CAMKMT: variants seen among roughly 807,000 people sequenced by gnomAD.
CAMKMT encodes calmodulin-lysine N-methyltransferase.
A neutral mutation model predicts 48.0 loss-of-function variants in CAMKMT; 53 were observed. That is an observed-to-expected ratio of 1.10 (90% CI 0.89 to 1.39). The LOEUF (loss-of-function observed/expected upper bound fraction) is 1.39. CAMKMT is among the 40% of genes most tolerant of loss of function. The pLI is 0.00. For missense variants in CAMKMT, 428 were observed against 402.7 expected (o/e 1.06, Z -0.54); for synonymous variants, 165 against 152.3 (o/e 1.08, Z -0.61).
In CAMKMT at chr2:44,613,046, G is replaced by GA. The variant is rs555424415; in HGVS notation, c.377-91235dup. The stretch of plus-strand genomic sequence containing the variant: ...AAGATGAATGGGTAGAAGAATATAG[G>GA]AATCTATGGTATTCTCTTAAATTTA... On this transcript the variant is annotated intron_variant, in intron 3 of 10. Coordinates refer to ENST00000378494, the MANE Select transcript of CAMKMT (RefSeq NM_024766.5). Among the ~76,000 whole-genome samples the GA allele has an allele frequency of 1.3e-3, 202 of 152,286 alleles. 2 individuals carry two copies. The highest frequency in any genetic ancestry group is 4.5e-3 in the African/African-American group (189 of 41,566).
intron 3 of CAMKMT, among the ~76,000 whole-genome samples, chr2:44,599,966 TA>T (rs1670887447): frequency 6.6e-6 from 1 of 152,148 alleles, no homozygotes; most frequent in African/African-American, 2.4e-5. Context: ...CTAATGATTT[TA>T]AAGTACTTTA....
At chr2:44,459,768 A>G (rs183980253) in intron 3 of CAMKMT, among the ~76,000 whole-genome samples, 1 of 152,298 alleles carries the variant, frequency 6.6e-6, no homozygotes, top group Admixed American at 6.5e-5. Flanking sequence ...CCAAAAGTTC[A>G]GGGGGCATTT....
intron 3 of CAMKMT, among the ~76,000 whole-genome samples, chr2:44,616,366 C>A (rs1173286131): frequency 6.6e-6 from 1 of 152,216 alleles, no homozygotes. Context: ...ATCTGCCAAG[C>A]AATTGTTCCC....
intron 3 of CAMKMT, among the ~76,000 whole-genome samples, chr2:44,604,877 A>G (rs1671198382): frequency 1.3e-5 from 2 of 152,100 alleles, no homozygotes; most frequent in South Asian, 4.1e-4. Context: ...GTCAAAGAAA[A>G]CTGAACAAAT....
At chr2:44,622,766 T>C (rs1347179722) in intron 3 of CAMKMT, among the ~76,000 whole-genome samples, 1 of 152,246 alleles carries the variant, frequency 6.6e-6, no homozygotes, top group Non-Finnish European at 1.5e-5. Flanking sequence ...TTCCATGTCT[T>C]TGCCACTGTG....
chr2:44,505,067 A>G (rs1015323499), intron 3 of CAMKMT, among the ~76,000 whole-genome samples: 3 of 151,908 alleles, frequency 2.0e-5, no homozygotes, highest in African/African-American at 7.3e-5. Flanking sequence ...TAGACCAAGA[A>G]CTCACTTATT....
chr2:44,578,348 A>T (rs1669352388), intron 3 of CAMKMT, among the ~76,000 whole-genome samples: 1 of 152,238 alleles, frequency 6.6e-6, no homozygotes, highest in African/African-American at 2.4e-5. Context: ...CGATGTATTC[A>T]TACTAACAGT....
intron 3 of CAMKMT, among the ~76,000 whole-genome samples, chr2:44,556,982 A>G (rs1282942696): frequency 6.6e-6 from 1 of 152,142 alleles, no homozygotes; most frequent in African/African-American, 2.4e-5. Flanking sequence ...ATGCACAGGA[A>G]CTACCCACTC....
intron 3 of CAMKMT, among the ~76,000 whole-genome samples, chr2:44,513,992 T>C (rs930613433): frequency 5.9e-5 from 9 of 151,624 alleles, no homozygotes; most frequent in African/African-American, 1.5e-4. Context: ...GTTTCAGCTA[T>C]TTGGGAGTCT....
chr2:44,416,144 A>C (rs938692816), intron 3 of CAMKMT, among the ~76,000 whole-genome samples: 15 of 152,242 alleles, frequency 9.9e-5, no homozygotes, highest in African/African-American at 3.6e-4. Flanking sequence ...CAATAGGTAC[A>C]TACCTACGTA....
At chr2:44,715,490 A>C in intron 7 of CAMKMT, 137 bp downstream of exon 7, 2 of 635,876 alleles carry the variant, frequency 3.1e-6, no homozygotes, top group South Asian at 3.8e-5. Context: ...GCACTTTACA[A>C]GTATTATCTC....
intron 9 of CAMKMT, among the ~76,000 whole-genome samples, chr2:44,757,759 C>T (rs961650134): frequency 2.0e-5 from 3 of 152,082 alleles, no homozygotes; most frequent in African/African-American, 7.2e-5. Context: ...GATGGGGTTT[C>T]ACCTATGTTG....
chr2:44,742,245 G>A (rs963487837), intron 7 of CAMKMT, among the ~76,000 whole-genome samples: 2 of 152,274 alleles, frequency 1.3e-5, no homozygotes, highest in Non-Finnish European at 2.9e-5. Context: ...CGTAAACAAC[G>A]TAAGCATTGA....
chr2:44,766,583 GA>G, intron 10 of CAMKMT, 22 bp downstream of exon 10: 1 of 1,612,324 alleles, frequency 6.2e-7, no homozygotes, highest in South Asian at 1.1e-5. Flanking sequence ...GCTTGTGTTA[GA>G]TAACACTTTA....
chr2:44,396,376 A>G (rs561324414), intron 3 of CAMKMT, among the ~76,000 whole-genome samples: 7 of 152,302 alleles, frequency 4.6e-5, no homozygotes, highest in Non-Finnish European at 7.4e-5. Context: ...TATTTTCTTT[A>G]TAAAGAGCTC....
At chr2:44,684,129 A>G (rs1293401523) in intron 3 of CAMKMT, among the ~76,000 whole-genome samples, 2 of 152,178 alleles carry the variant, frequency 1.3e-5, no homozygotes, top group Non-Finnish European at 2.9e-5. Context: ...TGGAGTTCAC[A>G]ATAACATGAA....
rs766935273 is a variant in CAMKMT at position 44,665,916 on chromosome 2, G to C, written c.377-38367G>C. On this transcript the variant is annotated intron_variant, in intron 3 of 10. Transcript: ENST00000378494. ...CATAATACCTGCTGCAGAAGAAGTG[G>C]TTCTATTTTGTCCTTTAAAGGTGGC... 4.6e-5 allele frequency among the ~76,000 whole-genome samples: 7 copies of C among 152,292 alleles called. No homozygotes were observed. In the East Asian group the frequency reaches 1.3e-3, roughly 29 times the overall value.
intron 7 of CAMKMT, among the ~76,000 whole-genome samples, chr2:44,716,159 A>T (rs76106051): frequency 0.02 from 2,990 of 152,240 alleles, 87 homozygotes; most frequent in African/African-American, 0.068. Flanking sequence ...CTCTCTGTTA[A>T]ATTAATTGTT....
intron 3 of CAMKMT, among the ~76,000 whole-genome samples, chr2:44,592,795 G>T (rs748838561): frequency 2.0e-4 from 28 of 141,596 alleles, no homozygotes; most frequent in Non-Finnish European, 3.2e-4. Context: ...AACATATTTT[G>T]CATGGCTTAA....
Sources: allele counts gnomAD v4.1 joint callset (sites outside exome capture counted in the v4.1 genomes callset), GRCh38; gene constraint gnomAD v4.1.1; transcripts MANE v1.5; gene names NCBI Gene and HGNC (gene_info 2026-07-23, HGNC 2026-07-21).